UPF2: variants seen among roughly 807,000 people sequenced by gnomAD.
UPF2 encodes the protein regulator of nonsense transcripts 2.
In UPF2, 17 loss-of-function variants were observed where a neutral mutation model predicts 141.4. The ratio of observed to expected loss-of-function variants is 0.12; its 90% CI spans 0.08 to 0.18. The LOEUF (loss-of-function observed/expected upper bound fraction) is 0.18. UPF2 is among the 10% of genes least tolerant of loss of function. The pLI is 1.00. For missense variants in UPF2, 1,152 were observed against 1,515.9 expected, an observed-to-expected ratio of 0.76 and a Z score of 3.99; for synonymous variants, 540 against 498.0, an observed-to-expected ratio of 1.08 and a Z score of -1.12.
chr10:12,029,667 A>C, intron 2 of UPF2, 143 bp from the exon 3 acceptor site: 1 of 980,108 alleles, frequency 1.0e-6, no homozygotes, highest in South Asian at 1.9e-5. Context: ...ACTACTTTTA[A>C]AGACATTTTA....
rs1000569961 is a variant in UPF2, at chr10:11,979,053, A to G, written c.1953+4T>C. ...TATTTCAAAATAAATGCTTAAATAC[A>G]TACATGAAATCTGAAATCCCCCCTC... is the stretch of plus-strand genomic sequence containing the variant. On this transcript the variant is annotated splice_donor_region_variant and intron_variant, in intron 9 of 21. Transcript: ENST00000357604. The surrounding 1 kb of genome is among the most constrained non-coding windows in gnomAD (Gnocchi z 6.2). 3 of 1,601,410 alleles carry G rather than the reference A, an allele frequency of 1.9e-6. No homozygotes were observed. The African/African-American group carries it at 4.0e-5, about 21-fold the overall frequency.
At chr10:11,961,881 G>A (rs1833247198) in intron 11 of UPF2, among the ~76,000 whole-genome samples, 1 of 152,110 alleles carries the variant, frequency 6.6e-6, no homozygotes. Flanking sequence ...GGTATACCAA[G>A]TTTCATAACT....
chr10:11,976,845 C>G (rs922642252), intron 9 of UPF2, among the ~76,000 whole-genome samples: 1 of 152,152 alleles, frequency 6.6e-6, no homozygotes, highest in South Asian at 2.1e-4. Flanking sequence ...TGTACAGATG[C>G]TATGTGAGGA....
In UPF2 at chr10:11,942,694, G is replaced by A; in HGVS notation, c.3349C>T (p.Leu1117=). The change falls in exon 18 of 22, where the codon CTG becomes TTG. Residue 1117 remains leucine, a synonymous_variant. Coordinates refer to ENST00000357604, the MANE Select transcript of UPF2 (RefSeq NM_015542.4). ...AGATTTTCTAGCATCATTTTATCCA[G>A]AGCTTGAATGAAGTCCTCATCTTCT... is the stretch of plus-strand genomic sequence containing the variant. ...CVEDEDFIQA[L]DKMMLENLQQ... The A allele has an allele frequency of 1.9e-6, 3 of 1,613,934 alleles. No individual in the cohort carries two copies. Among genetic ancestry groups the A allele is most frequent in the Admixed American group, 3.3e-5 (2 of 60,016 alleles).
chr10:12,000,492 A>C (rs910038977), intron 6 of UPF2, among the ~76,000 whole-genome samples: 2 of 152,298 alleles, frequency 1.3e-5, no homozygotes, highest in African/African-American at 4.8e-5. Flanking sequence ...TCTAATAAAG[A>C]ATCTTGGCCA....
chr10:11,977,995 C>G (rs1833533844), intron 9 of UPF2, among the ~76,000 whole-genome samples: 1 of 152,190 alleles, frequency 6.6e-6, no homozygotes. Context: ...GAAGTGCTTA[C>G]AGACCATTCT....
intron 3 of UPF2, among the ~76,000 whole-genome samples, chr10:12,022,404 C>A (rs1470675655): frequency 7.7e-6 from 1 of 129,332 alleles, no homozygotes; most frequent in Non-Finnish European, 1.8e-5. Context: ...GAGGGAGACT[C>A]CGTCTCAAAA....
chr10:11,954,643 A>ATATATAT lies in UPF2; in HGVS notation c.2850+588_2850+589insATATATA, dbSNP rs1554775870. 4.4e-4 allele frequency among the ~76,000 whole-genome samples: 57 copies of ATATATAT among 128,354 alleles called. No individual in the cohort carries two copies. In the East Asian group the frequency reaches 6.4e-3, roughly 14 times the overall value. The allele number at this position is 128,354 out of a possible 152,430, so 84.2% of individuals were successfully genotyped here. A position where few individuals can be genotyped will look rare whatever the true frequency, so the allele number is the denominator to read the frequency against. On this transcript the variant is annotated intron_variant, in intron 14 of 21. Transcript: ENST00000357604. ...AGCAAGACTTACTCTCAAAAAAAAA[A>ATATATAT]ATATATATATATATATATACATATA...
intron 4 of UPF2, among the ~76,000 whole-genome samples, chr10:12,011,669 G>T (rs1037013181): frequency 2.0e-5 from 3 of 151,812 alleles, no homozygotes; most frequent in Admixed American, 2.0e-4. Context: ...GTCATGACAG[G>T]GCGCAGTGGC....
At position 11,979,986 on chromosome 10, in the gene UPF2, C is replaced by T. The variant is rs889037080; in HGVS notation, c.1845-821G>A. Among the ~76,000 whole-genome samples the T allele has an allele frequency of 6.6e-6, 1 of 152,166 alleles. No individual in the cohort carries two copies. Among genetic ancestry groups the T allele is most frequent in the Non-Finnish European group, 1.5e-5 (1 of 68,032 alleles). Reference sequence around the variant, plus strand: ...AAAATAATATTACAAAATCTAAATACTAATTTATGTATTTCAACTCATTAC... The same window carrying T: ...AAAATAATATTACAAAATCTAAATATTAATTTATGTATTTCAACTCATTAC... On this transcript the variant is annotated intron_variant, in intron 8 of 21. Coordinates refer to ENST00000357604, the MANE Select transcript of UPF2 (RefSeq NM_015542.4). This position sits in a 1 kb window ranked among gnomAD's most constrained non-coding sequence, Gnocchi z 6.2.
intron 12 of UPF2, among the ~76,000 whole-genome samples, chr10:11,958,625 C>T (rs1022269480): frequency 8.5e-5 from 13 of 152,098 alleles, no homozygotes; most frequent in Non-Finnish European, 1.8e-4. Flanking sequence ...ATGTTTTGTT[C>T]AACATATCTT....
intron 21 of UPF2, among the ~76,000 whole-genome samples, chr10:11,929,553 C>T (rs908557422): frequency 3.3e-5 from 5 of 152,044 alleles, no homozygotes; most frequent in African/African-American, 9.7e-5. Flanking sequence ...GGGAGGATCA[C>T]TTGAGCCCAG....
chr10:11,927,384 T>C (rs1832726337), intron 21 of UPF2, among the ~76,000 whole-genome samples: 1 of 152,240 alleles, frequency 6.6e-6, no homozygotes, highest in Non-Finnish European at 1.5e-5. Context: ...AATTGCAGTT[T>C]TTCCCATTAC....
chr10:11,994,870 G>A (rs1267077605), intron 8 of UPF2, among the ~76,000 whole-genome samples: 1 of 150,808 alleles, frequency 6.6e-6, no homozygotes, highest in Admixed American at 6.7e-5. Context: ...CAGCTACTTG[G>A]GAGGCTGAGG....
At position 11,921,967 on chromosome 10, in the gene UPF2, C is replaced by T. The variant is rs1832650687; in HGVS notation, c.3810-660G>A. On this transcript the variant is annotated intron_variant, in intron 21 of 21. Coordinates refer to ENST00000357604, the MANE Select transcript of UPF2 (RefSeq NM_015542.4). The surrounding 1 kb of genome is among the most constrained non-coding windows in gnomAD (Gnocchi z 5.9). ...GTAGACGTAATTACTTCAGATAAGG[C>T]CATACTGGAGCAGGGTGGAGCCCTA... Among the ~76,000 whole-genome samples the T allele has an allele frequency of 6.6e-6, 1 of 152,128 alleles. No homozygotes were observed. The highest frequency in any genetic ancestry group is 6.6e-5 in the Admixed American group (1 of 15,256).
Position 11,920,043 on chromosome 10 carries a change from A to T in UPF2, c.*1255T>A, listed in dbSNP as rs1331194240. ...AATCTAAATTACAACACTTTATTGC[A>T]GCATCGGCAAAGGTCAGATTTCTGA... On this transcript the variant is annotated 3_prime_UTR_variant, in exon 22 of 22. Transcript: ENST00000357604. 1 of 152,270 alleles carries T rather than the reference A, an allele frequency of 6.6e-6. No individual in the cohort carries two copies. The highest frequency in any genetic ancestry group is 1.5e-5 in the Non-Finnish European group (1 of 68,052). The allele number at this position is 152,270 out of a possible 1,614,324, so 9.4% of individuals were successfully genotyped here. A position where few individuals can be genotyped will look rare whatever the true frequency, so the allele number is the denominator to read the frequency against.
At chr10:11,981,028 A>T (rs1291462238) in intron 8 of UPF2, among the ~76,000 whole-genome samples, 1 of 152,044 alleles carries the variant, frequency 6.6e-6, no homozygotes, top group East Asian at 1.9e-4. Context: ...ATCTCTACTA[A>T]AAATACAAAA....
chr10:11,993,171 A>G (rs1207011460), intron 8 of UPF2, among the ~76,000 whole-genome samples: 1 of 149,704 alleles, frequency 6.7e-6, no homozygotes, highest in African/African-American at 2.4e-5. Flanking sequence ...AAAAAAAAAA[A>G]AAGGCAGCAA....
Position 11,943,055 on chromosome 10 carries a change from C to T in UPF2, c.3279+9G>A. On this transcript the variant is annotated intron_variant, in intron 17 of 21. Coordinates refer to ENST00000357604, the MANE Select transcript of UPF2 (RefSeq NM_015542.4). ...AATTTCAAAAAGTAAATTTTTCAGC[C>T]ATACGTACAGTATTCTCTTCATCGG... 3.1e-6 allele frequency: 5 copies of T among 1,591,608 alleles called. No individual in the cohort carries two copies. Among genetic ancestry groups the T allele is most frequent in the Non-Finnish European group, 4.3e-6 (5 of 1,163,664 alleles).
Sources: gnomAD v4.1 joint callset for allele counts (sites outside exome capture counted in the v4.1 genomes callset) on GRCh38, gnomAD v4.1.1 for gene constraint, Gnocchi (gnomAD v3.1) non-coding constraint, MANE v1.5 for transcripts, NCBI Gene and HGNC (gene_info 2026-07-23, HGNC 2026-07-21) for gene names.